SSX1: variants seen among roughly 807,000 people sequenced by gnomAD.
The protein encoded by SSX1 is SSX family member 1.
SSX1 carries 58 observed loss-of-function variants against 14.6 expected under a neutral mutation model. The ratio of observed to expected loss-of-function variants is 3.96; its 90% CI spans 3.21 to 4.93. SSX1 has a LOEUF of 4.93. Among genes scored for constraint, SSX1 ranks in the 30% most tolerant of loss-of-function variants. The pLI is 0.00. For missense variants in SSX1, 272 were observed against 143.1 expected, an observed-to-expected ratio of 1.90 and a Z score of -4.60; for synonymous variants, 46 against 52.1, an observed-to-expected ratio of 0.88 and a Z score of 0.50.
chrX:48,258,959 C>T (rs1271557619), intron 4 of SSX1, among the ~76,000 whole-genome samples: 2 of 110,134 alleles, frequency 1.8e-5, no homozygotes, highest in Non-Finnish European at 3.8e-5. Flanking sequence ...CAGCTTCAGT[C>T]ATGACTTGTT....
Position 48,267,281 on chromosome X carries a change from A to G in SSX1, c.*432A>G, listed in dbSNP as rs1482801990. The G allele has an allele frequency of 1.3e-5, 3 of 224,810 alleles. No homozygotes were observed. The highest frequency in any genetic ancestry group is 2.4e-5 in the Non-Finnish European group (3 of 126,643). 18.5% of individuals were successfully genotyped at this position (224,810 alleles called of 1,213,427 possible). On this transcript the variant is annotated 3_prime_UTR_variant, in exon 8 of 8. Transcript: ENST00000376919. Reference sequence around the variant, plus strand: ...TACACACACACACACACACACACGCACACACACACACCAAGTACCAGTATA... The same window carrying G: ...TACACACACACACACACACACACGCGCACACACACACCAAGTACCAGTATA...
At chrX:48,255,489 G>A (rs1385186620) in intron 1 of SSX1, 57 bp downstream of exon 1, 1 of 110,227 alleles carries the variant, frequency 9.1e-6, no homozygotes, top group Non-Finnish European at 1.9e-5. Flanking sequence ...TAGAAAAGGA[G>A]GAAGCCTCTG....
intron 4 of SSX1, among the ~76,000 whole-genome samples, chrX:48,259,154 G>A (rs1374174629): frequency 1.8e-5 from 2 of 110,787 alleles, no homozygotes; most frequent in African/African-American, 3.3e-5. Flanking sequence ...CCGCCACCAT[G>A]CCCACCTAAT....
At chrX:48,258,385 G>T (rs1314767747) in intron 3 of SSX1, 151 bp from the exon 4 acceptor site, 1 of 480,123 alleles carries the variant, frequency 2.1e-6, no homozygotes, top group Non-Finnish European at 3.7e-6. Context: ...TAGATATGGG[G>T]GTCTCTCTAT....
chrX:48,259,686 G>A (rs2059597249), intron 4 of SSX1, among the ~76,000 whole-genome samples: 1 of 110,397 alleles, frequency 9.1e-6, no homozygotes, highest in Non-Finnish European at 1.9e-5. Context: ...CCACCTATGA[G>A]TGAGAATATG....
At chrX:48,263,535 T>C (rs1421370659) in intron 5 of SSX1, among the ~76,000 whole-genome samples, 1 of 111,831 alleles carries the variant, frequency 8.9e-6, no homozygotes, top group Non-Finnish European at 1.9e-5. Context: ...TGGAGATTTC[T>C]GCTGTTTCCA....
chrX:48,257,129 C>A, intron 1 of SSX1, 93 bp from the exon 2 acceptor site: 8 of 818,824 alleles, frequency 9.8e-6, no homozygotes, highest in Non-Finnish European at 1.4e-5. Flanking sequence ...CCCCTAATTC[C>A]AGGTGACTGA....
rs782801729 is a variant in SSX1 at position 48,263,933 on chromosome X, T to C, written c.466+16T>C. ...AAGAGATCTGGTAAGAGGAAATGATTTGGGAACAACTTCTCTGGCTTTTCT... is the reference window on the plus strand; with the variant it reads ...AAGAGATCTGGTAAGAGGAAATGATCTGGGAACAACTTCTCTGGCTTTTCT... On this transcript the variant is annotated intron_variant, in intron 6 of 7. Coordinates refer to ENST00000376919, the MANE Select transcript of SSX1 (RefSeq NM_005635.4). 2 of 1,208,212 alleles carry C rather than the reference T, an allele frequency of 1.7e-6. No homozygotes were observed. The highest frequency in any genetic ancestry group is 2.2e-5 in the Admixed American group (1 of 45,722).
intron 6 of SSX1, among the ~76,000 whole-genome samples, chrX:48,265,293 T>G (rs1287542203): frequency 1.8e-5 from 2 of 112,499 alleles, no homozygotes; most frequent in African/African-American, 3.2e-5. Context: ...CTAGCTTTCA[T>G]CCTGTCTCGG....
intron 7 of SSX1, 104 bp downstream of exon 7, chrX:48,266,495 C>T: frequency 8.5e-7 from 1 of 1,172,441 alleles, no homozygotes; most frequent in Admixed American, 2.2e-5. Flanking sequence ...ATTCCTTTCT[C>T]ATAATTTTCT....
chrX:48,258,438 C>T lies in SSX1; in HGVS notation c.185-98C>T, dbSNP rs2059591657. On this transcript the variant is annotated intron_variant, in intron 3 of 7. Coordinates refer to ENST00000376919, the MANE Select transcript of SSX1 (RefSeq NM_005635.4). ...TGAAATCCTGGCCTCAAACAATCCT[C>T]CTGCCTCAGCCTCCCAAAGTGCCGG... The T allele has an allele frequency of 6.6e-6, 4 of 609,484 alleles. No homozygotes were observed. The Admixed American group carries it at 9.7e-5, about 15-fold the overall frequency. 50.2% of individuals were successfully genotyped at this position (609,484 alleles called of 1,213,427 possible).
rs1233580401 is a variant in SSX1, at chrX:48,263,919, T to G, written c.466+2T>G. Reference sequence around the variant, plus strand: ...CTGAGAAGATTAATAAGAGATCTGGTAAGAGGAAATGATTTGGGAACAACT... The same window carrying G: ...CTGAGAAGATTAATAAGAGATCTGGGAAGAGGAAATGATTTGGGAACAACT... On this transcript the variant is annotated splice_donor_variant, in intron 6 of 7. Transcript: ENST00000376919. LOFTEE classifies it high-confidence loss of function. 3 of 1,209,541 alleles carry G rather than the reference T, an allele frequency of 2.5e-6. No individual in the cohort carries two copies. The Admixed American group carries it at 6.6e-5, about 26-fold the overall frequency.
chrX:48,258,121 G>A (rs1196153027), intron 3 of SSX1, among the ~76,000 whole-genome samples: 1 of 106,417 alleles, frequency 9.4e-6, no homozygotes, highest in African/African-American at 3.4e-5. Flanking sequence ...CTGTCTCTGT[G>A]GCATTGCAGC....
At position 48,263,815 on chromosome X, in the gene SSX1, G is replaced by T. The variant is rs782060922; in HGVS notation, c.364G>T (p.Asp122Tyr). Residue 122 changes from aspartate (D) to tyrosine (Y), a missense_variant, in exon 6 of 8, where the codon GAT becomes TAT. Asp to Tyr is a radical substitution (Grantham distance 160). Transcript: ENST00000376919. ...MPKKPAEDEN[D>Y]SKGVSEASGP... Reference sequence around the variant, plus strand: ...CAAGAAGCCAGCAGAGGACGAAAATGATTCGAAGGGAGTGTCAGAAGCATC... The same window carrying T: ...CAAGAAGCCAGCAGAGGACGAAAATTATTCGAAGGGAGTGTCAGAAGCATC... 8.3e-7 allele frequency: 1 copy of T among 1,211,614 alleles called. No individual in the cohort carries two copies. The highest frequency in any genetic ancestry group is 2.2e-5 in the Admixed American group (1 of 45,983).
chrX:48,264,028 G>T (rs2059614747), intron 6 of SSX1, 111 bp downstream of exon 6: 13 of 1,101,448 alleles, frequency 1.2e-5, no homozygotes, highest in Non-Finnish European at 1.6e-5. Context: ...AGGCTGGGCT[G>T]AAGAGCTCGC....
intron 6 of SSX1, among the ~76,000 whole-genome samples, chrX:48,264,877 A>T (rs1478959114): frequency 8.9e-6 from 1 of 112,834 alleles, no homozygotes; most frequent in Non-Finnish European, 1.9e-5. Flanking sequence ...GATCTTAGCT[A>T]GATCTTCTGG....
intron 6 of SSX1, among the ~76,000 whole-genome samples, chrX:48,266,030 A>G (rs2059621789): frequency 1.8e-5 from 2 of 111,932 alleles, no homozygotes; most frequent in South Asian, 3.7e-4. Context: ...GTATCGGTGA[A>G]TGTTCCCGTA....
Position 48,257,852 on chromosome X carries a change from C to T in SSX1, c.176C>T (p.Thr59Ile). The change falls in exon 3 of 8, where the codon ACT becomes ATT. Residue 59 changes from threonine (T) to isoleucine (I), a missense_variant. Coordinates refer to ENST00000376919, the MANE Select transcript of SSX1 (RefSeq NM_005635.4). ...VYMKRNYKAM[T>I]KLGFKVTLPP... ...ATGAAGAGAAACTATAAGGCCATGACTAAACTAGGTAACAGAAAGTTCTAG... is the reference window on the plus strand; with the variant it reads ...ATGAAGAGAAACTATAAGGCCATGATTAAACTAGGTAACAGAAAGTTCTAG... The T allele has an allele frequency of 2.6e-6, 3 of 1,163,564 alleles. No individual in the cohort carries two copies. The highest frequency in any genetic ancestry group is 1.9e-5 in the South Asian group (1 of 53,995).
rs2059626098 is a variant in SSX1, at chrX:48,266,949, T to C, written c.*100T>C. On this transcript the variant is annotated 3_prime_UTR_variant, in exon 8 of 8. Coordinates refer to ENST00000376919, the MANE Select transcript of SSX1 (RefSeq NM_005635.4). ...TGCGGCTCCCTCGTCATCAGGTGCA[T>C]AGCAAGTGAAAGCAAGTGTTCACAA... 9.6e-6 allele frequency: 9 copies of C among 937,599 alleles called. No homozygotes were observed. The highest frequency in any genetic ancestry group is 1.4e-5 in the Non-Finnish European group (9 of 664,949). 77.3% of individuals were successfully genotyped at this position (937,599 alleles called of 1,213,427 possible). A position where few individuals can be genotyped will look rare whatever the true frequency, so the allele number is the denominator to read the frequency against.
Sources: allele counts gnomAD v4.1 joint callset (sites outside exome capture counted in the v4.1 genomes callset), GRCh38; gene constraint gnomAD v4.1.1; transcripts MANE v1.5; gene names NCBI Gene and HGNC (gene_info 2026-07-23, HGNC 2026-07-21).